Variants in C12orf42 observed in about 807,000 individuals in gnomAD.
C12orf42 encodes uncharacterized protein C12orf42.
Under a neutral mutation model 21.6 loss-of-function variants are expected in C12orf42, and 25 were observed. That is an observed-to-expected ratio of 1.16 (90% CI 0.84 to 1.62). The LOEUF is 1.62. C12orf42 is among the 40% of genes most tolerant of loss of function. The pLI is 0.00. For missense variants in C12orf42, 483 were observed against 459.3 expected (o/e 1.05, Z -0.47); for synonymous variants, 174 against 175.0 (o/e 0.99, Z 0.05).
At chr12:103,174,551 A>G in the C12orf42 span, among the ~76,000 whole-genome samples, 5 of 152,112 alleles carry the variant, frequency 3.3e-5, no homozygotes, top group African/African-American at 1.2e-4. Context: ...GGTAATAGAG[A>G]TAGGATTCAA....
chr12:103,257,096 C>A (rs903952911), intron 10 of C12orf42, among the ~76,000 whole-genome samples: 1 of 152,110 alleles, frequency 6.6e-6, no homozygotes, highest in African/African-American at 2.4e-5. Flanking sequence ...CAAACTAATG[C>A]AGGAACAGAA....
chr12:103,112,147 G>A, the C12orf42 span, among the ~76,000 whole-genome samples: 157 of 152,280 alleles, frequency 1.0e-3, 1 homozygote, highest in South Asian at 0.017. Context: ...CCAGTGAAGC[G>A]TGTTTTCTAG....
intron 3 of C12orf42, among the ~76,000 whole-genome samples, chr12:103,381,956 TCTC>T (rs35792952): frequency 0.64 from 96,757 of 151,654 alleles, 31,390 homozygotes; most frequent in Admixed American, 0.74. Context: ...TCTGCCTCAG[TCTC>T]CTCATCTGTA....
chr12:103,543,634 C>T, the C12orf42 span, among the ~76,000 whole-genome samples: 5 of 151,922 alleles, frequency 3.3e-5, no homozygotes, highest in African/African-American at 1.2e-4. Context: ...ACTTAAAACA[C>T]TTTAATCCAA....
the C12orf42 span, among the ~76,000 whole-genome samples, chr12:103,519,987 G>C: frequency 6.6e-6 from 1 of 152,226 alleles, no homozygotes. Flanking sequence ...GGGCACCACA[G>C]GGAGATGTCT....
At chr12:103,305,502 A>G (rs2136520018) in intron 5 of C12orf42, among the ~76,000 whole-genome samples, 2 of 152,282 alleles carry the variant, frequency 1.3e-5, no homozygotes, top group Non-Finnish European at 2.9e-5. Flanking sequence ...TCGATATTTG[A>G]GCACAGTCAA....
chr12:103,350,889 C>G (rs1022577183), intron 4 of C12orf42, among the ~76,000 whole-genome samples: 76 of 152,038 alleles, frequency 5.0e-4, no homozygotes, highest in African/African-American at 1.8e-3. Flanking sequence ...TATATATTTC[C>G]CAGATATTTC....
intron 4 of C12orf42, among the ~76,000 whole-genome samples, chr12:103,350,741 T>C (rs1474503128): frequency 6.6e-6 from 1 of 152,154 alleles, no homozygotes; most frequent in Admixed American, 6.6e-5. Flanking sequence ...GTTAGCACTT[T>C]GTTATTGTCC....
At chr12:103,444,259 C>T (rs1445887159) in intron 2 of C12orf42, among the ~76,000 whole-genome samples, 1 of 152,054 alleles carries the variant, frequency 6.6e-6, no homozygotes, top group Non-Finnish European at 1.5e-5. Flanking sequence ...TAAAGGTCTA[C>T]ATTTTTCCCT....
rs772489274 is a variant in C12orf42 at position 103,302,399 on chromosome 12, T to G, written c.792A>C (p.Arg264Ser). ...AQAHPDDIQS[R>S]LLGASGNPVG... ...CGGGATTTCCGGACGCGCCCAGGAG[T>G]CTGCTTTGGATGTCGTCGGGGTGTG... Residue 264 changes from arginine (R) to serine (S), a missense_variant, in exon 6 of 6, where the codon AGA (arginine) becomes AGC (serine). Transcript: ENST00000548883. 4 of 1,613,114 alleles carry G rather than the reference T, an allele frequency of 2.5e-6. No individual in the cohort carries two copies. The African/African-American group carries it at 5.4e-5, about 22-fold the overall frequency.
intron 10 of C12orf42, among the ~76,000 whole-genome samples, chr12:103,262,892 C>T (rs957097464): frequency 2.0e-5 from 3 of 152,088 alleles, no homozygotes; most frequent in African/African-American, 4.8e-5. Context: ...AGCAAAGACT[C>T]GGAACCAACC....
intron 4 of C12orf42, among the ~76,000 whole-genome samples, chr12:103,317,813 A>C (rs2039667700): frequency 6.6e-6 from 1 of 152,216 alleles, no homozygotes; most frequent in African/African-American, 2.4e-5. Flanking sequence ...GGTCAAATAT[A>C]GGCCATTTCA....
intron 2 of C12orf42, among the ~76,000 whole-genome samples, chr12:103,461,678 T>C (rs897489928): frequency 6.6e-6 from 1 of 152,176 alleles, no homozygotes; most frequent in African/African-American, 2.4e-5. Flanking sequence ...TGACCTGGAA[T>C]AAGTCACCTA....
At chr12:103,096,886 G>A in the C12orf42 span, among the ~76,000 whole-genome samples, 1 of 152,060 alleles carries the variant, frequency 6.6e-6, no homozygotes, top group Admixed American at 6.6e-5. Flanking sequence ...CTAGTGTCTT[G>A]CCACTTTTCC....
At chr12:103,228,428 T>G in the C12orf42 span, among the ~76,000 whole-genome samples, 2 of 152,066 alleles carry the variant, frequency 1.3e-5, no homozygotes, top group Non-Finnish European at 2.9e-5. Flanking sequence ...TAGTGGAATG[T>G]CATCAGTTAA....
At chr12:103,397,461 G>A (rs1043087495) in intron 3 of C12orf42, among the ~76,000 whole-genome samples, 9 of 152,100 alleles carry the variant, frequency 5.9e-5, no homozygotes, top group South Asian at 2.1e-4. Flanking sequence ...ACAGGAGCTC[G>A]AACCCTATTG....
the C12orf42 span, among the ~76,000 whole-genome samples, chr12:103,214,051 TAAC>T: frequency 6.6e-6 from 1 of 152,222 alleles, no homozygotes; most frequent in Non-Finnish European, 1.5e-5. Context: ...AGTACTTCCT[TAAC>T]AGAGTTTGGC....
chr12:103,453,528 G>T (rs1952089417), intron 2 of C12orf42, among the ~76,000 whole-genome samples: 1 of 151,556 alleles, frequency 6.6e-6, no homozygotes, highest in Admixed American at 6.6e-5. Context: ...CTAACTTTTG[G>T]TTTAATGAGC....
chr12:103,401,394 C>T (rs766148284), intron 3 of C12orf42, among the ~76,000 whole-genome samples: 1 of 152,094 alleles, frequency 6.6e-6, no homozygotes, highest in Non-Finnish European at 1.5e-5. Context: ...TATCTGCGTG[C>T]AAAGAATAAG....
Sources: gnomAD v4.1 joint callset for allele counts (sites outside exome capture counted in the v4.1 genomes callset) on GRCh38, gnomAD v4.1.1 for gene constraint, MANE v1.5 for transcripts, NCBI Gene and HGNC (gene_info 2026-07-23, HGNC 2026-07-21) for gene names.